Variants in SYT7 observed in about 807,000 individuals in gnomAD.
SYT7 encodes synaptotagmin-7.
Under a neutral mutation model 75.1 loss-of-function variants are expected in SYT7, and 29 were observed. The observed-to-expected ratio is 0.39, with a 90% confidence interval of 0.29 to 0.53. The LOEUF is 0.53. Ranked by LOEUF, SYT7 falls within the 20% of genes least tolerant of loss-of-function variation. SYT7 has a pLI of 0.77. For synonymous variants in SYT7, 376 were observed against 401.7 expected (o/e 0.94, Z 0.76); for missense variants, 693 against 953.2 (o/e 0.73, Z 3.59).
chr11:61,570,822 C>T (rs2063900609), intron 1 of SYT7, among the ~76,000 whole-genome samples: 1 of 152,288 alleles, frequency 6.6e-6, no homozygotes, highest in South Asian at 2.1e-4. Flanking sequence ...TACTGTGTAA[C>T]TTTGGACAGG....
At position 61,546,085 on chromosome 11, in the gene SYT7, C is replaced by G. The variant is rs1420783597; in HGVS notation, c.518G>C (p.Gly173Ala). 8 of 1,531,942 alleles carry G rather than the reference C, an allele frequency of 5.2e-6. No homozygotes were observed. Among genetic ancestry groups the G allele is most frequent in the Non-Finnish European group, 7.0e-6 (8 of 1,145,078 alleles). The allele number at this position is 1,531,942 out of a possible 1,614,324, so 94.9% of individuals were successfully genotyped here. A position where few individuals can be genotyped will look rare whatever the true frequency, so the allele number is the denominator to read the frequency against. Residue 173 changes from glycine (G) to alanine (A), a missense_variant, in exon 5 of 13, where the codon GGC becomes GCC. This residue lies in a region of SYT7 where 487 missense variants were observed against 593.2 expected (regional missense o/e 0.82). Coordinates refer to ENST00000539008, the MANE Select transcript of SYT7 (RefSeq NM_001365809.2). This position sits in a 1 kb window ranked among gnomAD's most constrained non-coding sequence, Gnocchi z 7.6. ...GTGGCTCTGCACCGTCCGCCAGCGG[C>G]CTCTCCCCGCCTTGCCACCGCTGCC... is the stretch of plus-strand genomic sequence containing the variant. The part of the protein sequence containing the change: ...EPGSGGKAGR[G>A]RWRTVQSHLA...
At chr11:61,545,993 GC>G in intron 5 of SYT7, 37 bp downstream of exon 5, 1 of 1,517,718 alleles carries the variant, frequency 6.6e-7, no homozygotes, top group Non-Finnish European at 8.8e-7. Flanking sequence ...GCAGGCCTGA[GC>G]TCATGGCTCC....
chr11:61,572,385 G>A (rs2063946783), intron 1 of SYT7, among the ~76,000 whole-genome samples: 1 of 152,222 alleles, frequency 6.6e-6, no homozygotes, highest in Admixed American at 6.5e-5. Flanking sequence ...AACTCGTAGT[G>A]CTCCCTTCTG....
intron 1 of SYT7, among the ~76,000 whole-genome samples, chr11:61,560,075 G>A (rs1205826134): frequency 6.6e-6 from 1 of 152,208 alleles, no homozygotes; most frequent in African/African-American, 2.4e-5. Context: ...AACGACAACA[G>A]AGATAAGCAT....
chr11:61,556,873 C>T (rs2063514272), intron 1 of SYT7, among the ~76,000 whole-genome samples: 2 of 151,312 alleles, frequency 1.3e-5, no homozygotes, highest in Admixed American at 6.6e-5. Context: ...CATTCCTATC[C>T]CCCAAGCTCA....
rs755559433 is a variant in SYT7, at chr11:61,518,602, C to T, written c.*25G>A. 6.7e-7 allele frequency: 1 copy of T among 1,500,292 alleles called. No individual in the cohort carries two copies. The highest frequency in any genetic ancestry group is 1.3e-5 in the South Asian group (1 of 79,164). The allele number at this position is 1,500,292 out of a possible 1,614,324, so 92.9% of individuals were successfully genotyped here. On this transcript the variant is annotated 3_prime_UTR_variant, in exon 13 of 13. Transcript: ENST00000539008. ...GCATGATGGGGACCTGGGCCCTCGG[C>T]CCCCTGGGCCTCCCTTGGCCCCACT... is the stretch of plus-strand genomic sequence containing the variant.
chr11:61,533,496 C>T, intron 7 of SYT7: 2 of 985,446 alleles, frequency 2.0e-6, no homozygotes, highest in Non-Finnish European at 2.4e-6. Flanking sequence ...CCATCCGCCC[C>T]CAGCCTGGAA....
At chr11:61,538,051 C>T (rs1590867824) in intron 7 of SYT7, 93 bp downstream of exon 7, 18 of 1,498,034 alleles carry the variant, frequency 1.2e-5, no homozygotes, top group East Asian at 9.9e-5. Flanking sequence ...GGCACCACCA[C>T]CTCGTCCAGC....
intron 3 of SYT7, among the ~76,000 whole-genome samples, chr11:61,548,739 C>T (rs2063262410): frequency 6.6e-6 from 1 of 152,176 alleles, no homozygotes; most frequent in Non-Finnish European, 1.5e-5. Context: ...TAGAATTTGA[C>T]CTTGACCTTG....
intron 3 of SYT7, among the ~76,000 whole-genome samples, chr11:61,549,203 G>A (rs769755249): frequency 4.6e-5 from 7 of 152,182 alleles, no homozygotes; most frequent in Non-Finnish European, 1.0e-4. Flanking sequence ...AGTCACCACT[G>A]CCAGACTTGT....
chr11:61,550,628 A>C (rs773772523), intron 3 of SYT7, among the ~76,000 whole-genome samples: 3 of 152,112 alleles, frequency 2.0e-5, no homozygotes, highest in Non-Finnish European at 4.4e-5. Context: ...GCCACTGGCC[A>C]GTGGGCACAG....
At chr11:61,573,941 T>G (rs1001680002) in intron 1 of SYT7, among the ~76,000 whole-genome samples, 6 of 152,214 alleles carry the variant, frequency 3.9e-5, no homozygotes, top group African/African-American at 1.2e-4. Context: ...CCCAAGGTGG[T>G]TCTGAGGATG....
At chr11:61,522,127 C>T (rs909179506) in intron 12 of SYT7, among the ~76,000 whole-genome samples, 1 of 151,380 alleles carries the variant, frequency 6.6e-6, no homozygotes, top group African/African-American at 2.4e-5. Context: ...CACAGAATCC[C>T]GTCCTGGGAA....
At chr11:61,560,114 G>A (rs369775100) in intron 1 of SYT7, among the ~76,000 whole-genome samples, 2 of 152,190 alleles carry the variant, frequency 1.3e-5, no homozygotes, top group African/African-American at 4.8e-5. Flanking sequence ...TACAGATGGG[G>A]AAACTGAGGA....
Position 61,514,900 on chromosome 11 carries a change from C to T in SYT7, c.*3727G>A, listed in dbSNP as rs1318234047. Reference sequence around the variant, plus strand: ...AGGCGCTGGCCTGAAACTACAGTGGCCCCATGGATGGTGGTGGGAAAGCTG... The same window carrying T: ...AGGCGCTGGCCTGAAACTACAGTGGTCCCATGGATGGTGGTGGGAAAGCTG... On this transcript the variant is annotated 3_prime_UTR_variant, in exon 13 of 13. Transcript: ENST00000539008. Among the ~76,000 whole-genome samples the T allele has an allele frequency of 1.3e-5, 2 of 152,192 alleles. No homozygotes were observed. The highest frequency in any genetic ancestry group is 2.9e-5 in the Non-Finnish European group (2 of 68,030).
At chr11:61,522,879 G>C (rs2062389016) in intron 12 of SYT7, among the ~76,000 whole-genome samples, 196 bp downstream of exon 12, 1 of 152,176 alleles carries the variant, frequency 6.6e-6, no homozygotes, top group African/African-American at 2.4e-5. Flanking sequence ...AGGACACTCA[G>C]AGAGGAACCC....
intron 12 of SYT7, among the ~76,000 whole-genome samples, chr11:61,521,356 ACAC>A (rs2062324192): frequency 6.6e-6 from 1 of 152,354 alleles, no homozygotes; most frequent in East Asian, 1.9e-4. Flanking sequence ...GGAATATCCG[ACAC>A]CAAGAGGCGA....
chr11:61,585,983 G>C (rs2135498374), upstream of SYT7, among the ~76,000 whole-genome samples: 1 of 152,310 alleles, frequency 6.6e-6, no homozygotes, highest in East Asian at 1.9e-4. Flanking sequence ...AGGGCTGGCT[G>C]TCTTTCCTGG....
rs756028366 is a variant in SYT7 at position 61,517,695 on chromosome 11, AC to A, written c.*931del. ...AGGGCAAAGCTAGTCGGGGCTCGGG[AC>A]CCCCTGAGAAGGAAGGGAGATGAGT... On this transcript the variant is annotated 3_prime_UTR_variant, in exon 13 of 13. Transcript: ENST00000539008. 1.8e-5 allele frequency: 7 copies of A among 397,822 alleles called. No individual in the cohort carries two copies. Among genetic ancestry groups the A allele is most frequent in the Non-Finnish European group, 2.7e-5 (6 of 226,114 alleles). 24.6% of individuals were successfully genotyped at this position (397,822 alleles called of 1,614,324 possible). A position where few individuals can be genotyped will look rare whatever the true frequency, so the allele number is the denominator to read the frequency against.
Sources: gnomAD v4.1 joint callset for allele counts (sites outside exome capture counted in the v4.1 genomes callset) on GRCh38, gnomAD v4.1.1 for gene constraint, gnomAD v4.1.1 regional missense constraint, Gnocchi (gnomAD v3.1) non-coding constraint, MANE v1.5 for transcripts, NCBI Gene and HGNC (gene_info 2026-07-23, HGNC 2026-07-21) for gene names.